Variants in RORA observed in about 807,000 individuals in gnomAD.
The protein encoded by RORA is nuclear receptor ROR-alpha.
Under a neutral mutation model 69.5 loss-of-function variants are expected in RORA, and 7 were observed. That is an observed-to-expected ratio of 0.10 (90% CI 0.06 to 0.19). The LOEUF is 0.19. Ranked by LOEUF, RORA falls within the 10% of genes least tolerant of loss-of-function variation. The pLI, the probability that RORA is intolerant of heterozygous loss-of-function variation, is 1.00. For missense variants in RORA, 457 were observed against 663.0 expected, an observed-to-expected ratio of 0.69 and a Z score of 3.41; for synonymous variants, 261 against 240.8, an observed-to-expected ratio of 1.08 and a Z score of -0.78.
chr15:60,774,468 T>C (rs1021087224), intron 1 of RORA, among the ~76,000 whole-genome samples: 4 of 152,212 alleles, frequency 2.6e-5, no homozygotes, highest in African/African-American at 9.6e-5. Context: ...CATCCCTTCC[T>C]AAGGACTCTT....
At position 60,611,559 on chromosome 15, in the gene RORA, C is replaced by CAAAAAAAAAAAAAAAAAAAAAAAAAA. The variant is rs533598270; in HGVS notation, c.196+67072_196+67097dup. Among the ~76,000 whole-genome samples, 9 of 35,818 alleles carry CAAAAAAAAAAAAAAAAAAAAAAAAAA rather than the reference C, an allele frequency of 2.5e-4. 4 individuals carry two copies. The highest frequency in any genetic ancestry group is 3.4e-4 in the African/African-American group (3 of 8,780). 23.5% of individuals were successfully genotyped at this position (35,818 alleles called of 152,430 possible). A position where few individuals can be genotyped will look rare whatever the true frequency, so the allele number is the denominator to read the frequency against. Reference sequence around the variant, plus strand: ...TTACCTCAAACAATCTTGAGTTTTGCAAAAAAAAAAAAAAAAAAAAAAAAA... The same window carrying CAAAAAAAAAAAAAAAAAAAAAAAAAA: ...TTACCTCAAACAATCTTGAGTTTTGCAAAAAAAAAAAAAAAAAAAAAAAAAAAAAAAAAAAAAAAAAAAAAAAAAAA... On this transcript the variant is annotated intron_variant, in intron 2 of 10. Transcript: ENST00000335670.
At chr15:60,801,268 C>T (rs2072577225) in intron 1 of RORA, among the ~76,000 whole-genome samples, 1 of 152,158 alleles carries the variant, frequency 6.6e-6, no homozygotes, top group African/African-American at 2.4e-5. Context: ...AGTGGCCTCC[C>T]CCTCCCCCCT....
chr15:61,049,992 C>T (rs1897224104), intron 1 of RORA, among the ~76,000 whole-genome samples: 1 of 152,084 alleles, frequency 6.6e-6, no homozygotes, highest in African/African-American at 2.4e-5. Flanking sequence ...TTCTCAGAGG[C>T]TTTTAATATG....
intron 1 of RORA, among the ~76,000 whole-genome samples, chr15:61,098,019 CTCCATCTTTCCT>C (rs910304461): frequency 2.0e-5 from 3 of 152,056 alleles, no homozygotes; most frequent in Admixed American, 1.3e-4. Context: ...ATTCCTATCT[CTCCATCTTTCCT>C]TCCATCTTTC....
At chr15:60,849,212 G>A (rs925183528) in intron 1 of RORA, 1 of 152,126 alleles carries the variant, frequency 6.6e-6, no homozygotes, top group Non-Finnish European at 1.5e-5. Flanking sequence ...CTAGGGCAGA[G>A]ACCTCCTATG....
intron 6 of RORA, 147 bp downstream of exon 6, chr15:60,505,361 C>T (rs544021132): frequency 2.1e-5 from 17 of 815,452 alleles, no homozygotes; most frequent in Middle Eastern, 2.4e-4. Context: ...GCCTCAAGTA[C>T]ATTAGTAGCT....
intron 1 of RORA, among the ~76,000 whole-genome samples, chr15:61,155,228 T>C (rs2079432082): frequency 6.6e-6 from 1 of 152,204 alleles, no homozygotes; most frequent in Non-Finnish European, 1.5e-5. Context: ...ATGTACATTA[T>C]GTGTCACCTA....
chr15:61,010,989 A>G (rs1895068874), intron 1 of RORA, among the ~76,000 whole-genome samples: 1 of 152,208 alleles, frequency 6.6e-6, no homozygotes. Context: ...TCACCTAAAC[A>G]TCGTGTAAGG....
intron 1 of RORA, among the ~76,000 whole-genome samples, chr15:61,075,304 C>A (rs2078433160): frequency 6.6e-6 from 1 of 152,078 alleles, no homozygotes; most frequent in African/African-American, 2.4e-5. Flanking sequence ...CATCAGACTT[C>A]AATGTCCTCA....
chr15:60,503,004 T>C, intron 7 of RORA, 137 bp from the exon 8 acceptor site: 1 of 740,364 alleles, frequency 1.4e-6, no homozygotes, highest in Non-Finnish European at 2.5e-6. Flanking sequence ...GGGTTCTCAG[T>C]CACATCAGCT....
rs181934728 is a variant in RORA, at chr15:61,014,940, T to C, written c.166+214113A>G. 2.5e-3 allele frequency among the ~76,000 whole-genome samples: 377 copies of C among 152,304 alleles called. 4 individuals carry two copies. The highest frequency in any genetic ancestry group is 8.6e-3 in the African/African-American group (359 of 41,556). ...TGAGAGTGTTTTTAATCTGAGATAT[T>C]TTATCTGCTAAAACCTTATTTTTTC... On this transcript the variant is annotated intron_variant, in intron 1 of 10. Transcript: ENST00000335670.
intron 1 of RORA, among the ~76,000 whole-genome samples, chr15:60,751,396 C>T (rs1483137410): frequency 2.0e-5 from 3 of 152,140 alleles, no homozygotes; most frequent in Non-Finnish European, 4.4e-5. Context: ...TTTGCTATTA[C>T]AACAATAAAT....
chr15:61,139,494 G>A (rs1270649695), intron 1 of RORA, among the ~76,000 whole-genome samples: 2 of 152,214 alleles, frequency 1.3e-5, no homozygotes, highest in Non-Finnish European at 2.9e-5. Flanking sequence ...AAAAAGGAGG[G>A]CGAGTCTTAA....
chr15:60,611,775 C>T (rs2069099405), intron 2 of RORA, among the ~76,000 whole-genome samples: 1 of 152,062 alleles, frequency 6.6e-6, no homozygotes. Context: ...CATCACTGCA[C>T]TCAAAGATAT....
At chr15:61,002,399 T>A (rs768260120) in intron 1 of RORA, among the ~76,000 whole-genome samples, 2 of 152,236 alleles carry the variant, frequency 1.3e-5, no homozygotes, top group African/African-American at 2.4e-5. Context: ...TTCTTCCACA[T>A]GGCAAGTTTT....
At chr15:61,140,269 A>G (rs2079285701) in intron 1 of RORA, among the ~76,000 whole-genome samples, 2 of 152,186 alleles carry the variant, frequency 1.3e-5, no homozygotes, top group Admixed American at 1.3e-4. Flanking sequence ...CAGCAATACC[A>G]TGATTCCATT....
intron 1 of RORA, among the ~76,000 whole-genome samples, chr15:60,696,289 G>C (rs1362760853): frequency 1.3e-5 from 2 of 152,040 alleles, no homozygotes; most frequent in African/African-American, 4.8e-5. Context: ...AGGATCCAGG[G>C]GGAATCGGTC....
intron 1 of RORA, among the ~76,000 whole-genome samples, chr15:60,975,774 T>C (rs1490825951): frequency 6.6e-6 from 1 of 152,232 alleles, no homozygotes; most frequent in Non-Finnish European, 1.5e-5. Context: ...GGGAGACCCC[T>C]AACAGAGTTC....
intron 1 of RORA, among the ~76,000 whole-genome samples, chr15:60,868,237 C>G (rs2073511649): frequency 6.6e-6 from 1 of 152,108 alleles, no homozygotes; most frequent in East Asian, 1.9e-4. Context: ...ACTGCATGGT[C>G]CCTGTCACTG....
Sources: allele counts gnomAD v4.1 joint callset (sites outside exome capture counted in the v4.1 genomes callset), GRCh38; gene constraint gnomAD v4.1.1; transcripts MANE v1.5; gene names NCBI Gene and HGNC (gene_info 2026-07-23, HGNC 2026-07-21).